The following KLHL3 variants were observed in gnomAD, a reference collection of about 807,000 sequenced individuals.
KLHL3 encodes kelch like family member 3, also known as kelch-like protein 3.
A neutral mutation model predicts 70.5 loss-of-function variants in KLHL3; 19 were observed. That is an observed-to-expected ratio of 0.27 (90% CI 0.19 to 0.40). The LOEUF is 0.40. Ranked by LOEUF, KLHL3 falls within the 10% of genes least tolerant of loss-of-function variation. The probability of loss-of-function intolerance (pLI) is 1.00; values close to 1 mark genes in which losing one functional copy is unlikely to be tolerated. For missense variants in KLHL3, 512 were observed against 771.1 expected, an observed-to-expected ratio of 0.66 and a Z score of 3.98; for synonymous variants, 258 against 290.3, an observed-to-expected ratio of 0.89 and a Z score of 1.13.
intron 6 of KLHL3, chr5:137,672,009 G>A (rs1751772747): frequency 6.6e-6 from 1 of 152,186 alleles, no homozygotes; most frequent in African/African-American, 2.4e-5. Flanking sequence ...GTTGGTCATG[G>A]TAGATTTGGG....
chr5:137,634,536 G>A (rs188827236), intron 11 of KLHL3, among the ~76,000 whole-genome samples: 13 of 152,324 alleles, frequency 8.5e-5, no homozygotes, highest in Admixed American at 2.0e-4. Context: ...AAAGCTAGAA[G>A]GCCCCCAGCT....
chr5:137,673,076 C>T (rs191150451), intron 6 of KLHL3: 39 of 152,266 alleles, frequency 2.6e-4, no homozygotes, highest in African/African-American at 8.4e-4. Flanking sequence ...GTGTTCCACG[C>T]TAAGGAATCA....
chr5:137,729,519 G>A (rs1171638171), intron 1 of KLHL3, among the ~76,000 whole-genome samples: 1 of 152,138 alleles, frequency 6.6e-6, no homozygotes, highest in Non-Finnish European at 1.5e-5. Flanking sequence ...TGACCAGTTT[G>A]GCCTCCCCCG....
At chr5:137,666,868 C>T (rs1036637628) in intron 6 of KLHL3, among the ~76,000 whole-genome samples, 6 of 152,302 alleles carry the variant, frequency 3.9e-5, no homozygotes, top group Middle Eastern at 3.4e-3. Flanking sequence ...CCATAAACAT[C>T]GCCTCCCCAA....
chr5:137,682,403 T>TAGAGAGAGAGAGAGAGAGAG (rs10578622), intron 5 of KLHL3, among the ~76,000 whole-genome samples: 1,538 of 133,310 alleles, frequency 0.012, 33 homozygotes, highest in Admixed American at 0.015. Context: ...GTGCTGGACA[T>TAGAGAGAGAGAGAGAGAGAG]AGAGAGAGAG....
intron 2 of KLHL3, among the ~76,000 whole-genome samples, chr5:137,718,110 A>G (rs1752929269): frequency 1.3e-5 from 2 of 152,242 alleles, no homozygotes; most frequent in Non-Finnish European, 2.9e-5. Flanking sequence ...AGTATATAGC[A>G]TTCTTCAAAC....
At chr5:137,627,996 A>C in intron 13 of KLHL3, 1 of 340,582 alleles carries the variant, frequency 2.9e-6, no homozygotes, top group South Asian at 3.8e-5. Flanking sequence ...GGCAGCGGGC[A>C]CTGATGGCAA....
At chr5:137,638,691 T>G (rs867116457) in intron 10 of KLHL3, among the ~76,000 whole-genome samples, 2 of 152,020 alleles carry the variant, frequency 1.3e-5, no homozygotes, top group Non-Finnish European at 2.9e-5. Context: ...ATCTTCTGAG[T>G]AAATAGGTTC....
intron 2 of KLHL3, among the ~76,000 whole-genome samples, chr5:137,715,734 T>C (rs1221271214): frequency 6.6e-6 from 1 of 152,216 alleles, no homozygotes; most frequent in Non-Finnish European, 1.5e-5. Flanking sequence ...GGCATAGTTA[T>C]TATTATTATT....
chr5:137,664,656 CAA>C (rs35778509), intron 6 of KLHL3, among the ~76,000 whole-genome samples: 18 of 145,964 alleles, frequency 1.2e-4, no homozygotes, highest in Admixed American at 2.7e-4. Context: ...ATCTCTACTA[CAA>C]AAAAAAAAAA....
At chr5:137,717,548 T>A (rs1002696768) in intron 2 of KLHL3, among the ~76,000 whole-genome samples, 1 of 152,098 alleles carries the variant, frequency 6.6e-6, no homozygotes, top group Non-Finnish European at 1.5e-5. Context: ...TAAAAATAAA[T>A]AAATAAATAT....
rs115145322 is a variant in KLHL3, at chr5:137,725,109, C to T, written c.15-4525G>A. 610 of 948,202 alleles carry T rather than the reference C, an allele frequency of 6.4e-4. 2 individuals are homozygous for T. The African/African-American group carries it at 9.9e-3, about 15-fold the overall frequency. 58.7% of individuals were successfully genotyped at this position (948,202 alleles called of 1,614,324 possible). A position where few individuals can be genotyped will look rare whatever the true frequency, so the allele number is the denominator to read the frequency against. ...CCTCAATAGATTGCCCCATCCCCAC[C>T]CTATCAAGTCCCAATCCCAAGCATT... On this transcript the variant is annotated intron_variant, in intron 1 of 14. Coordinates refer to ENST00000309755, the MANE Select transcript of KLHL3 (RefSeq NM_017415.3).
intron 13 of KLHL3, among the ~76,000 whole-genome samples, chr5:137,627,479 C>T (rs1026853003): frequency 8.9e-6 from 1 of 112,764 alleles, no homozygotes; most frequent in African/African-American, 3.1e-5. Context: ...ATATCACCAC[C>T]CCCCCCCCCG....
intron 8 of KLHL3, among the ~76,000 whole-genome samples, chr5:137,656,157 T>A (rs1751340060): frequency 6.7e-6 from 1 of 149,428 alleles, no homozygotes; most frequent in African/African-American, 2.5e-5. Flanking sequence ...AAATACGAAC[T>A]CAAACAATAT....
rs1750261786 is a variant in KLHL3, at chr5:137,620,540, G to T, written c.*1558C>A. Reference sequence around the variant, plus strand: ...GAGGGTGTCCCAGACTGCAAGGTATGAGACTATTCTCCAGACACAAGACTT... The same window carrying T: ...GAGGGTGTCCCAGACTGCAAGGTATTAGACTATTCTCCAGACACAAGACTT... On this transcript the variant is annotated 3_prime_UTR_variant, in exon 15 of 15. Coordinates refer to ENST00000309755, the MANE Select transcript of KLHL3 (RefSeq NM_017415.3). 6.6e-6 allele frequency: 1 copy of T among 152,224 alleles called. No individual in the cohort carries two copies. Among genetic ancestry groups the T allele is most frequent in the African/African-American group, 2.4e-5 (1 of 41,454 alleles). The allele number at this position is 152,224 out of a possible 1,614,324, so 9.4% of individuals were successfully genotyped here. A position where few individuals can be genotyped will look rare whatever the true frequency, so the allele number is the denominator to read the frequency against.
At chr5:137,698,880 C>A (rs769206541) in intron 3 of KLHL3, among the ~76,000 whole-genome samples, 1 of 152,194 alleles carries the variant, frequency 6.6e-6, no homozygotes, top group African/African-American at 2.4e-5. Context: ...TTCTTGAGAG[C>A]TAACTATGGC....
chr5:137,655,541 G>C lies in KLHL3; in HGVS notation c.903+2590C>G, dbSNP rs115660452. Among the ~76,000 whole-genome samples the C allele has an allele frequency of 3.0e-3, 462 of 152,218 alleles. 1 individual carries two copies. Among genetic ancestry groups the C allele is most frequent in the Non-Finnish European group, 5.1e-3 (347 of 67,996 alleles). The stretch of plus-strand genomic sequence containing the variant: ...ACAAAACCCAAGCTATAAAGCAAAA[G>C]ATAGATCAATTTGACTCCTTAAAAA... On this transcript the variant is annotated intron_variant, in intron 8 of 14. Transcript: ENST00000309755.
intron 6 of KLHL3, among the ~76,000 whole-genome samples, chr5:137,672,447 G>A (rs143128846): frequency 6.6e-4 from 100 of 152,272 alleles, no homozygotes; most frequent in African/African-American, 2.1e-3. Flanking sequence ...AGACAACAGC[G>A]CATTTTAAAA....
rs533310350 is a variant in KLHL3, at chr5:137,726,009, C to CT, written c.15-5426dup. ...AGCTTCTCTTTTCCCCTGACTTAGA[C>CT]TATTACAGTGGCCTCCCACCTGCTG... On this transcript the variant is annotated intron_variant, in intron 1 of 14. Coordinates refer to ENST00000309755, the MANE Select transcript of KLHL3 (RefSeq NM_017415.3). Among the ~76,000 whole-genome samples the CT allele has an allele frequency of 4.3e-4, 66 of 152,288 alleles. No individual in the cohort carries two copies. In the South Asian group the frequency reaches 0.013, roughly 30 times the overall value.
Sources: gnomAD v4.1 joint callset for allele counts (sites outside exome capture counted in the v4.1 genomes callset) on GRCh38, gnomAD v4.1.1 for gene constraint, MANE v1.5 for transcripts, NCBI Gene and HGNC (gene_info 2026-07-23, HGNC 2026-07-21) for gene names.